Variants in KIAA0513 observed in about 807,000 individuals in gnomAD.
KIAA0513 encodes the protein KIAA0513.
A neutral mutation model predicts 56.5 loss-of-function variants in KIAA0513; 39 were observed. The ratio of observed to expected loss-of-function variants is 0.69; its 90% CI spans 0.53 to 0.90. The LOEUF (loss-of-function observed/expected upper bound fraction) is 0.90. Ranked by LOEUF, KIAA0513 falls within the 40% of genes least tolerant of loss-of-function variation. The pLI, the probability that KIAA0513 is intolerant of heterozygous loss-of-function variation, is 0.00. For synonymous variants in KIAA0513, 268 were observed against 215.6 expected, an observed-to-expected ratio of 1.24 and a Z score of -2.13; for missense variants, 591 against 535.2, an observed-to-expected ratio of 1.10 and a Z score of -1.03.
intron 10 of KIAA0513, among the ~76,000 whole-genome samples, chr16:85,084,115 G>A (rs904526246): frequency 1.2e-4 from 17 of 142,656 alleles, no homozygotes; most frequent in South Asian, 2.2e-4. Context: ...AGGCTGGAGT[G>A]CAGTGGCACA....
chr16:85,052,599 T>G (rs1378020179), intron 1 of KIAA0513, among the ~76,000 whole-genome samples: 5 of 152,100 alleles, frequency 3.3e-5, no homozygotes. Context: ...TAGCAATGAG[T>G]ATAGATTCTT....
intron 1 of KIAA0513, among the ~76,000 whole-genome samples, chr16:85,051,680 A>G (rs2073254086): frequency 6.6e-6 from 1 of 151,862 alleles, no homozygotes; most frequent in Non-Finnish European, 1.5e-5. Context: ...CATGTTACTT[A>G]CCCCCATGGT....
At chr16:85,045,907 A>G (rs914165022) in intron 1 of KIAA0513, among the ~76,000 whole-genome samples, 7 of 152,094 alleles carry the variant, frequency 4.6e-5, no homozygotes, top group African/African-American at 1.7e-4. Context: ...TACTTATCTT[A>G]GTCCCATGGC....
chr16:85,030,111 G>A (rs976050880), intron 1 of KIAA0513, among the ~76,000 whole-genome samples: 3 of 152,184 alleles, frequency 2.0e-5, no homozygotes, highest in South Asian at 2.1e-4. Context: ...CCGGCTTACC[G>A]AGTCTGCCGC....
At position 85,076,612 on chromosome 16, in the gene KIAA0513, T is replaced by C. The variant is rs2073659765; in HGVS notation, c.574+698T>C. Among the ~76,000 whole-genome samples, 1 of 152,058 alleles carries C rather than the reference T, an allele frequency of 6.6e-6. No individual in the cohort carries two copies. Among genetic ancestry groups the C allele is most frequent in the African/African-American group, 2.4e-5 (1 of 41,402 alleles). On this transcript the variant is annotated intron_variant, in intron 5 of 12. Coordinates refer to ENST00000683363, the MANE Select transcript of KIAA0513 (RefSeq NM_001388359.1). This position sits in a 1 kb window ranked among gnomAD's most constrained non-coding sequence, Gnocchi z 4.7. ...CTTTCCTCTCTCGGGACCCGCGTGC[T>C]CACTCTTGGGGTGTATGTATCCCCT...
At chr16:85,065,178 G>A (rs2073460788) in intron 1 of KIAA0513, among the ~76,000 whole-genome samples, 1 of 152,196 alleles carries the variant, frequency 6.6e-6, no homozygotes, top group South Asian at 2.1e-4. Flanking sequence ...TGTGTGTGTG[G>A]TTTTCTGTTC....
At position 85,079,241 on chromosome 16, in the gene KIAA0513, G is replaced by C. The variant is rs181943185; in HGVS notation, c.902+238G>C. On this transcript the variant is annotated intron_variant, in intron 8 of 12. Transcript: ENST00000683363. The stretch of plus-strand genomic sequence containing the variant: ...GCAGCCGCTGAGAAACAGTCTGGCA[G>C]TTCCTTTAAAGGTGAAACACAAGAG... 6 of 799,562 alleles carry C rather than the reference G, an allele frequency of 7.5e-6. No homozygotes were observed. In the East Asian group the frequency reaches 1.7e-4, roughly 23 times the overall value. The allele number at this position is 799,562 out of a possible 1,614,324, so 49.5% of individuals were successfully genotyped here.
chr16:85,045,735 C>T (rs1253632014), intron 1 of KIAA0513, among the ~76,000 whole-genome samples: 1 of 152,186 alleles, frequency 6.6e-6, no homozygotes, highest in Non-Finnish European at 1.5e-5. Flanking sequence ...CCTAAGTTGT[C>T]ATCAGGCAGG....
chr16:85,067,771 C>T (rs1402537412), intron 2 of KIAA0513, among the ~76,000 whole-genome samples: 1 of 152,104 alleles, frequency 6.6e-6, no homozygotes, highest in Non-Finnish European at 1.5e-5. Context: ...TCCCCGTGAG[C>T]TCCATTATGT....
At chr16:85,079,194 T>A in intron 8 of KIAA0513, 191 bp downstream of exon 8, 1 of 1,237,566 alleles carries the variant, frequency 8.1e-7, no homozygotes, top group Non-Finnish European at 1.1e-6. Flanking sequence ...CTCTCCTGTA[T>A]GGCTAGGAGC....
chr16:85,054,029 G>A (rs535254407), intron 1 of KIAA0513, among the ~76,000 whole-genome samples: 4 of 150,422 alleles, frequency 2.7e-5, no homozygotes, highest in Non-Finnish European at 5.9e-5. Context: ...GTGTGGTGGC[G>A]CATGCTTGTA....
chr16:85,029,783 C>T (rs1040577768), intron 1 of KIAA0513, among the ~76,000 whole-genome samples: 1 of 152,202 alleles, frequency 6.6e-6, no homozygotes, highest in African/African-American at 2.4e-5. Flanking sequence ...AACCCTATTG[C>T]CCGTAATAAC....
chr16:85,076,748 G>A lies in KIAA0513; in HGVS notation c.575-677G>A, dbSNP rs1329816472. Reference sequence around the variant, plus strand: ...GGCCCTTCCTGCCAGGCCACACGTCGGCTGCTTTGGGTGGGGTAGGAACCC... The same window carrying A: ...GGCCCTTCCTGCCAGGCCACACGTCAGCTGCTTTGGGTGGGGTAGGAACCC... On this transcript the variant is annotated intron_variant, in intron 5 of 12. Coordinates refer to ENST00000683363, the MANE Select transcript of KIAA0513 (RefSeq NM_001388359.1). The surrounding 1 kb of genome is among the most constrained non-coding windows in gnomAD (Gnocchi z 4.7). Among the ~76,000 whole-genome samples the A allele has an allele frequency of 3.9e-5, 6 of 152,182 alleles. No homozygotes were observed. The highest frequency in any genetic ancestry group is 2.6e-4 in the Admixed American group (4 of 15,286).
Position 85,067,026 on chromosome 16 carries a change from A to C in KIAA0513, c.-46A>C. 2 of 1,486,176 alleles carry C rather than the reference A, an allele frequency of 1.3e-6. No homozygotes were observed. The highest frequency in any genetic ancestry group is 1.8e-6 in the Non-Finnish European group (2 of 1,114,062). 92.1% of individuals were successfully genotyped at this position (1,486,176 alleles called of 1,614,324 possible). A position where few individuals can be genotyped will look rare whatever the true frequency, so the allele number is the denominator to read the frequency against. On this transcript the variant is annotated 5_prime_UTR_variant, in exon 2 of 13. Transcript: ENST00000683363. The stretch of plus-strand genomic sequence containing the variant: ...ACACCAGGCTGCTGGGCTCCCCTCT[A>C]GGCAGCCTCCCCTCCAGGCAGCCTC...
In KIAA0513 at chr16:85,068,393, C is replaced by T. The variant is rs372211135; in HGVS notation, c.329+993C>T. Reference sequence around the variant, plus strand: ...TGTGGCCCAGGCTGGAATGCAGTGGCGTGATCTTGGCTCACTGCAAGGTCC... The same window carrying T: ...TGTGGCCCAGGCTGGAATGCAGTGGTGTGATCTTGGCTCACTGCAAGGTCC... On this transcript the variant is annotated intron_variant, in intron 2 of 12. Coordinates refer to ENST00000683363, the MANE Select transcript of KIAA0513 (RefSeq NM_001388359.1). Among the ~76,000 whole-genome samples, 54 of 148,844 alleles carry T rather than the reference C, an allele frequency of 3.6e-4. 1 individual carries two copies. The South Asian group carries it at 6.4e-3, about 18-fold the overall frequency.
chr16:85,043,443 G>A (rs1388853072), intron 1 of KIAA0513, among the ~76,000 whole-genome samples: 2 of 121,498 alleles, frequency 1.6e-5, no homozygotes, highest in Non-Finnish European at 3.2e-5. Flanking sequence ...ACAGAGTCTC[G>A]CTCCATCACC....
In KIAA0513 at chr16:85,076,426, G is replaced by T. The variant is rs779587436; in HGVS notation, c.574+512G>T. ...TAGGACATCTCTTCCGCCTCATTGC[G>T]TTGGCACTTTCTCGTATGTTGGAGC... On this transcript the variant is annotated intron_variant, in intron 5 of 12. Coordinates refer to ENST00000683363, the MANE Select transcript of KIAA0513 (RefSeq NM_001388359.1). This position sits in a 1 kb window ranked among gnomAD's most constrained non-coding sequence, Gnocchi z 4.7. Among the ~76,000 whole-genome samples the T allele has an allele frequency of 5.3e-5, 8 of 152,136 alleles. No individual in the cohort carries two copies. Among genetic ancestry groups the T allele is most frequent in the Non-Finnish European group, 1.0e-4 (7 of 68,024 alleles).
At chr16:85,057,181 C>T (rs891439891) in intron 1 of KIAA0513, among the ~76,000 whole-genome samples, 2 of 152,092 alleles carry the variant, frequency 1.3e-5, no homozygotes, top group African/African-American at 4.8e-5. Flanking sequence ...ATTGTAAACC[C>T]CCTGTGGTCA....
chr16:85,081,209 T>C lies in KIAA0513; in HGVS notation c.903-106T>C. 3 of 1,000,952 alleles carry C rather than the reference T, an allele frequency of 3.0e-6. No homozygotes were observed. In the South Asian group the frequency reaches 3.9e-5, roughly 13 times the overall value. 62.0% of individuals were successfully genotyped at this position (1,000,952 alleles called of 1,614,324 possible). ...TACCTCTCTGAGACTTCTTAGAAGC[T>C]CAGACAGATGTGAGACACTGCCCTT... On this transcript the variant is annotated intron_variant, in intron 8 of 12. Transcript: ENST00000683363. The surrounding 1 kb of genome is among the most constrained non-coding windows in gnomAD (Gnocchi z 4.4).
Sources: gnomAD v4.1 joint callset for allele counts (sites outside exome capture counted in the v4.1 genomes callset) on GRCh38, gnomAD v4.1.1 for gene constraint, Gnocchi (gnomAD v3.1) non-coding constraint, MANE v1.5 for transcripts, NCBI Gene and HGNC (gene_info 2026-07-23, HGNC 2026-07-21) for gene names.